PITHD1: variants seen among roughly 807,000 people sequenced by gnomAD.
PITHD1 encodes the protein PITH domain containing 1.
PITHD1 carries 8 observed loss-of-function variants against 27.5 expected under a neutral mutation model. The ratio of observed to expected loss-of-function variants is 0.29; its 90% CI spans 0.17 to 0.52. The LOEUF (loss-of-function observed/expected upper bound fraction) is 0.52, where lower values mean the gene tolerates loss of function less well. Among genes scored for constraint, PITHD1 ranks in the 20% least tolerant of loss-of-function variants. The pLI, the probability that PITHD1 is intolerant of heterozygous loss-of-function variation, is 0.96. For synonymous variants in PITHD1, 118 were observed against 106.8 expected (o/e 1.10, Z -0.64); for missense variants, 233 against 283.9 (o/e 0.82, Z 1.29).
chr1:23,780,453 C>T (rs1638579984), intron 3 of PITHD1, among the ~76,000 whole-genome samples: 1 of 152,210 alleles, frequency 6.6e-6, no homozygotes, highest in African/African-American at 2.4e-5. Context: ...TTTTTGACAA[C>T]TTACCTTATT....
At chr1:23,780,050 C>CT (rs1353094545) in intron 3 of PITHD1, 109 bp downstream of exon 3, 3 of 727,696 alleles carry the variant, frequency 4.1e-6, no homozygotes, top group Non-Finnish European at 7.2e-6. Context: ...AATATTTCCC[C>CT]TTTTAAAATA....
At chr1:23,785,349 C>T (rs142000891) in intron 3 of PITHD1, 20 of 178,138 alleles carry the variant, frequency 1.1e-4, no homozygotes, top group South Asian at 2.3e-4. Context: ...CAAAATTTGC[C>T]GGGCATGGTG....
In PITHD1 at chr1:23,778,700, C is replaced by T; in HGVS notation, c.185C>T (p.Thr62Ile). 7.7e-7 allele frequency: 1 copy of T among 1,298,868 alleles called. No homozygotes were observed. Among genetic ancestry groups the T allele is most frequent in the South Asian group, 2.4e-5 (1 of 42,084 alleles). 80.5% of individuals were successfully genotyped at this position (1,298,868 alleles called of 1,614,324 possible). ...RGVFKPWEER[T>I]DRSKFVESDA... ...GTCTTCAAGCCGTGGGAGGAGCGGA[C>T]CGACCGCTCCAAGGTGGGCCGCCTG... is the stretch of plus-strand genomic sequence containing the variant. Residue 62 changes from threonine (T) to isoleucine (I), a missense_variant, in exon 1 of 6, where the codon ACC becomes ATC. Transcript: ENST00000246151.
chr1:23,783,607 A>G (rs549533899), intron 3 of PITHD1, among the ~76,000 whole-genome samples: 24 of 151,580 alleles, frequency 1.6e-4, no homozygotes, highest in African/African-American at 5.3e-4. Flanking sequence ...ACACACCACC[A>G]GGCCTGGCTA....
rs1638706353 is a variant in PITHD1 at position 23,787,724 on chromosome 1, T to G, written c.*348T>G. The stretch of plus-strand genomic sequence containing the variant: ...GCAAGATTGTTGTGTGACTTGTTTT[T>G]TTGTTTTTGTTTTTGTTTTTTTAAA... On this transcript the variant is annotated 3_prime_UTR_variant, in exon 6 of 6. Coordinates refer to ENST00000246151, the MANE Select transcript of PITHD1 (RefSeq NM_020362.5). 1 of 163,064 alleles carries G rather than the reference T, an allele frequency of 6.1e-6. No homozygotes were observed. Among genetic ancestry groups the G allele is most frequent in the Non-Finnish European group, 1.3e-5 (1 of 75,108 alleles). 10.1% of individuals were successfully genotyped at this position (163,064 alleles called of 1,614,324 possible). A position where few individuals can be genotyped will look rare whatever the true frequency, so the allele number is the denominator to read the frequency against.
chr1:23,782,944 T>C (rs116747454), intron 3 of PITHD1, among the ~76,000 whole-genome samples: 4,842 of 152,198 alleles, frequency 0.032, 101 homozygotes, highest in Middle Eastern at 0.065. Flanking sequence ...AATTTTGTTA[T>C]CTGTTGATAT....
At chr1:23,781,741 G>A (rs1638603852) in intron 3 of PITHD1, among the ~76,000 whole-genome samples, 1 of 152,156 alleles carries the variant, frequency 6.6e-6, no homozygotes, top group Non-Finnish European at 1.5e-5. Context: ...TTAGCTTCAT[G>A]ACTTTGAGAC....
intron 3 of PITHD1, among the ~76,000 whole-genome samples, chr1:23,783,615 C>T (rs1638641892): frequency 6.6e-6 from 1 of 151,660 alleles, no homozygotes; most frequent in African/African-American, 2.4e-5. Context: ...CCAGGCCTGG[C>T]TAATTTTTTT....
In PITHD1 at chr1:23,783,537, C is replaced by T. The variant is rs138139139; in HGVS notation, c.321-2138C>T. Among the ~76,000 whole-genome samples the T allele has an allele frequency of 2.5e-3, 379 of 151,464 alleles. 2 individuals carry two copies. Among genetic ancestry groups the T allele is most frequent in the African/African-American group, 3.6e-3 (149 of 41,220 alleles). The stretch of plus-strand genomic sequence containing the variant: ...CCCAATCTTGGCTCACTGCAACCTC[C>T]GCCTCCTGGGGTCAAGCGATTCTCT... On this transcript the variant is annotated intron_variant, in intron 3 of 5. Transcript: ENST00000246151.
chr1:23,785,779 A>AGT lies in PITHD1; in HGVS notation c.425+1_425+2dup. 6.5e-7 allele frequency: 1 copy of AGT among 1,537,544 alleles called. No individual in the cohort carries two copies. Among genetic ancestry groups the AGT allele is most frequent in the Admixed American group, 1.7e-5 (1 of 59,924 alleles). On this transcript the variant is annotated frameshift_variant and splice_region_variant. Coordinates refer to ENST00000246151, the MANE Select transcript of PITHD1 (RefSeq NM_020362.5). LOFTEE classifies it high-confidence loss of function. ...ACAGGAGAATTAGAGTATGCTACAA[A>AGT]GTAAGCACTGGGCCTGTCTTCCATT... is the stretch of plus-strand genomic sequence containing the variant.
intron 3 of PITHD1, among the ~76,000 whole-genome samples, chr1:23,784,578 C>T (rs1488684059): frequency 6.6e-6 from 1 of 152,178 alleles, no homozygotes; most frequent in East Asian, 1.9e-4. Context: ...CAGCTAATAT[C>T]GAGGCCTCTT....
intron 5 of PITHD1, 84 bp from the exon 6 acceptor site, chr1:23,787,191 G>C: frequency 1.2e-6 from 1 of 813,148 alleles, no homozygotes; most frequent in African/African-American, 1.7e-5. Flanking sequence ...AAATGAACCT[G>C]AATAAGGACT....
At chr1:23,779,274 CT>C in intron 1 of PITHD1, 163 bp from the exon 2 acceptor site, 1 of 588,446 alleles carries the variant, frequency 1.7e-6, no homozygotes, top group Non-Finnish European at 3.1e-6. Context: ...TGTTATGACA[CT>C]GGATAAGACT....
At chr1:23,781,325 C>T (rs1252525416) in intron 3 of PITHD1, among the ~76,000 whole-genome samples, 2 of 151,948 alleles carry the variant, frequency 1.3e-5, no homozygotes, top group African/African-American at 2.4e-5. Context: ...TAGCTGGGTG[C>T]GGTGGCACAG....
At chr1:23,779,538 G>T (rs928517229) in intron 2 of PITHD1, 57 bp downstream of exon 2, 3 of 1,287,036 alleles carry the variant, frequency 2.3e-6, no homozygotes, top group Admixed American at 1.7e-5. Context: ...AGTTGCCTCA[G>T]ATGGATTCAT....
intron 3 of PITHD1, 38 bp downstream of exon 3, chr1:23,779,979 A>C (rs1421647582): frequency 7.8e-7 from 1 of 1,283,118 alleles, no homozygotes; most frequent in Admixed American, 1.7e-5. Context: ...AGGAGCTCCT[A>C]ATTCTCTTTT....
rs934563619 is a variant in PITHD1, at chr1:23,778,460, C to G, written c.-56C>G. ...GGCGCGGAGCTGGTCTGAGGCGAGC[C>G]GAGCCGAGCGAGCGCGGCGGTGGGG... On this transcript the variant is annotated 5_prime_UTR_variant, in exon 1 of 6. Transcript: ENST00000246151. 5 of 1,248,802 alleles carry G rather than the reference C, an allele frequency of 4.0e-6. No individual in the cohort carries two copies. Among genetic ancestry groups the G allele is most frequent in the Admixed American group, 4.1e-5 (1 of 24,212 alleles). The allele number at this position is 1,248,802 out of a possible 1,614,324, so 77.4% of individuals were successfully genotyped here.
In PITHD1 at chr1:23,786,374, C is replaced by A; in HGVS notation, c.485C>A (p.Ala162Glu). ...ATTCATATTTCAAAAAACTTCGGAG[C>A]AGATACGACAAAGGTCTTTTATATT... ...LSIHISKNFG[A>E]DTTKVFYIGL... The change falls in exon 5 of 6, where the codon GCA becomes GAA. Residue 162 changes from alanine to glutamate, a missense_variant. Transcript: ENST00000246151. 1 of 1,607,408 alleles carries A rather than the reference C, an allele frequency of 6.2e-7. No individual in the cohort carries two copies. Among genetic ancestry groups the A allele is most frequent in the Non-Finnish European group, 8.5e-7 (1 of 1,174,622 alleles).
At position 23,778,733 on chromosome 1, in the gene PITHD1, G is replaced by T; in HGVS notation, c.198+20G>T. ...TCCAAGGTGGGCCGCCTGGGGCTTG[G>T]GGCGGGCGGGGCAGGGTGCGTGTGG... On this transcript the variant is annotated intron_variant, in intron 1 of 5. Transcript: ENST00000246151. 2.4e-6 allele frequency: 3 copies of T among 1,260,224 alleles called. No homozygotes were observed. 78.1% of individuals were successfully genotyped at this position (1,260,224 alleles called of 1,614,324 possible).
Sources: gnomAD v4.1 joint callset for allele counts (sites outside exome capture counted in the v4.1 genomes callset) on GRCh38, gnomAD v4.1.1 for gene constraint, MANE v1.5 for transcripts, NCBI Gene and HGNC (gene_info 2026-07-23, HGNC 2026-07-21) for gene names.